The following KAZN variants were observed in gnomAD, a reference collection of about 807,000 sequenced individuals.
KAZN encodes kazrin, periplakin interacting protein.
A neutral mutation model predicts 87.4 loss-of-function variants in KAZN; 40 were observed. The ratio of observed to expected loss-of-function variants is 0.46; its 90% confidence interval spans 0.36 to 0.60. KAZN has a LOEUF of 0.60. KAZN is among the 20% of genes least tolerant of loss of function. KAZN has a pLI of 0.00. For synonymous variants in KAZN, 466 were observed against 458.3 expected, an observed-to-expected ratio of 1.02 and a Z score of -0.22; for missense variants, 898 against 1,073.9, an observed-to-expected ratio of 0.84 and a Z score of 2.29.
At position 14,413,593 on chromosome 1, in the gene KAZN, G is replaced by GAAAAAAA. The variant is rs1169921344; in HGVS notation, c.250-185370_250-185364dup. Among the ~76,000 whole-genome samples, 4 of 66,078 alleles carry GAAAAAAA rather than the reference G, an allele frequency of 6.1e-5. 1 individual carries two copies. Among genetic ancestry groups the GAAAAAAA allele is most frequent in the Non-Finnish European group, 1.1e-4 (4 of 36,180 alleles). 43.3% of individuals were successfully genotyped at this position (66,078 alleles called of 152,430 possible). ...AACAGTGTGAAACTCCGTCTCAAAA[G>GAAAAAAA]AAAAAAAAAAAAAAAAAAAAAAAAA... On this transcript the variant is annotated intron_variant, in intron 2 of 16. Coordinates refer to the KAZN transcript ENST00000636203.
At chr1:14,921,366 G>GC (rs1658507555) in intron 1 of KAZN, among the ~76,000 whole-genome samples, 3 of 152,130 alleles carry the variant, frequency 2.0e-5, no homozygotes. Flanking sequence ...TGGCCAATGG[G>GC]CTACATAAAG....
In KAZN at chr1:14,091,109, C is replaced by CAA. The variant is rs779056126; in HGVS notation, c.92-89303_92-89302dup. On this transcript the variant is annotated intron_variant, in intron 1 of 16. Transcript: ENST00000636203. ...CCTGGGTGACAGAGTGAGACTCTGT[C>CAA]AAAAAAAAAAAAAAAAAAAAAAAAG... 4.6e-3 allele frequency among the ~76,000 whole-genome samples: 239 copies of CAA among 51,826 alleles called. 6 individuals are homozygous for CAA. In the South Asian group the frequency reaches 0.058, roughly 13 times the overall value. The allele number at this position is 51,826 out of a possible 152,430, so 34.0% of individuals were successfully genotyped here.
chr1:14,149,086 CCTTCCTTT>C (rs1645415430), intron 1 of KAZN, among the ~76,000 whole-genome samples: 1 of 108,302 alleles, frequency 9.2e-6, no homozygotes, highest in African/African-American at 3.9e-5. Flanking sequence ...TTCCTTCCTT[CCTTCCTTT>C]CTTTCTTTCC....
intron 1 of KAZN, among the ~76,000 whole-genome samples, chr1:14,833,981 AC>A (rs1647132437): frequency 2.0e-5 from 3 of 148,742 alleles, no homozygotes; most frequent in Non-Finnish European, 4.5e-5. Context: ...ACACACACAC[AC>A]ACACACACAC....
chr1:14,965,773 T>C (rs776875293), intron 2 of KAZN, among the ~76,000 whole-genome samples: 9 of 152,196 alleles, frequency 5.9e-5, no homozygotes, highest in Non-Finnish European at 1.3e-4. Context: ...TTTCTTAAGC[T>C]CTTTGGCCTG....
chr1:15,051,622 C>T (rs1674413612), intron 4 of KAZN, among the ~76,000 whole-genome samples: 1 of 152,204 alleles, frequency 6.6e-6, no homozygotes, highest in Non-Finnish European at 1.5e-5. Flanking sequence ...CTGTCATTAT[C>T]CCCGTTAGAC....
At chr1:14,340,888 CTTT>C (rs3085672) in intron 2 of KAZN, among the ~76,000 whole-genome samples, 3 of 103,168 alleles carry the variant, frequency 2.9e-5, no homozygotes, top group East Asian at 3.0e-4. Flanking sequence ...ATGATTTTCC[CTTT>C]TTTTTTTTTT....
intron 1 of KAZN, among the ~76,000 whole-genome samples, chr1:14,622,608 A>G (rs1678795056): frequency 6.8e-6 from 1 of 147,216 alleles, no homozygotes; most frequent in Non-Finnish European, 1.5e-5. Flanking sequence ...GGAGAATGGC[A>G]TGAACCTGGG....
chr1:14,711,757 C>G (rs899530028), intron 1 of KAZN, among the ~76,000 whole-genome samples: 3 of 152,192 alleles, frequency 2.0e-5, no homozygotes, highest in Non-Finnish European at 4.4e-5. Context: ...GAAGCAGATC[C>G]TCTTCCGCAT....
chr1:14,461,169 G>A (rs1179829989), intron 2 of KAZN, among the ~76,000 whole-genome samples: 1 of 152,172 alleles, frequency 6.6e-6, no homozygotes, highest in Non-Finnish European at 1.5e-5. Context: ...CTTGAGTTCA[G>A]CATTACCCTT....
chr1:13,944,206 C>T (rs1408799209), intron 1 of KAZN, among the ~76,000 whole-genome samples: 1 of 152,192 alleles, frequency 6.6e-6, no homozygotes, highest in African/African-American at 2.4e-5. Context: ...GAATAAACTA[C>T]GGATACGCGT....
At chr1:14,082,446 A>T (rs1338546702) in intron 1 of KAZN, among the ~76,000 whole-genome samples, 1 of 152,192 alleles carries the variant, frequency 6.6e-6, no homozygotes, top group Non-Finnish European at 1.5e-5. Context: ...AACAAGGGCC[A>T]GGCCTGTAGT....
At chr1:14,210,667 C>T (rs960995178) in intron 2 of KAZN, among the ~76,000 whole-genome samples, 4 of 152,032 alleles carry the variant, frequency 2.6e-5, no homozygotes, top group South Asian at 4.1e-4. Flanking sequence ...CAATATTTAC[C>T]ACAGGGCAAT....
rs185676927 is a variant in KAZN, at chr1:14,073,830, C to T, written c.92-106605C>T. Among the ~76,000 whole-genome samples the T allele has an allele frequency of 2.2e-3, 335 of 152,144 alleles. 2 individuals are homozygous for T. The highest frequency in any genetic ancestry group is 3.0e-3 in the Non-Finnish European group (201 of 68,000). On this transcript the variant is annotated intron_variant, in intron 1 of 16. Coordinates refer to the KAZN transcript ENST00000636203. Reference sequence around the variant, plus strand: ...GACATTTGGGTTGGTTCCAAGTCTTCGTTATTGTGAACAGTGCCGCAATAA... The same window carrying T: ...GACATTTGGGTTGGTTCCAAGTCTTTGTTATTGTGAACAGTGCCGCAATAA...
chr1:13,897,264 C>T (rs1351180597), intron 1 of KAZN, among the ~76,000 whole-genome samples: 1 of 152,208 alleles, frequency 6.6e-6, no homozygotes, highest in Non-Finnish European at 1.5e-5. Context: ...TATCTGGCTC[C>T]TTGCAGAAAA....
At chr1:14,015,774 A>G (rs1417659018) in intron 1 of KAZN, among the ~76,000 whole-genome samples, 1 of 151,500 alleles carries the variant, frequency 6.6e-6, no homozygotes, top group Non-Finnish European at 1.5e-5. Flanking sequence ...CTTTTATGCA[A>G]TCCTGGGAGG....
At chr1:14,959,299 TGAG>T (rs1007680609) in intron 1 of KAZN, among the ~76,000 whole-genome samples, 1 of 152,070 alleles carries the variant, frequency 6.6e-6, no homozygotes, top group African/African-American at 2.4e-5. Context: ...TGTGTCACAA[TGAG>T]GAGGCAGCCA....
chr1:14,373,512 T>A (rs1242995143), intron 2 of KAZN, among the ~76,000 whole-genome samples: 1 of 152,176 alleles, frequency 6.6e-6, no homozygotes, highest in Non-Finnish European at 1.5e-5. Flanking sequence ...ACTGCTTAAG[T>A]GAGTCCAATC....
intron 1 of KAZN, among the ~76,000 whole-genome samples, chr1:14,083,401 C>T (rs1282021382): frequency 1.3e-5 from 2 of 152,192 alleles, no homozygotes; most frequent in African/African-American, 4.8e-5. Flanking sequence ...TACTTGCCAG[C>T]TGTGTGCCTT....
Sources: gnomAD v4.1 joint callset for allele counts (sites outside exome capture counted in the v4.1 genomes callset) on GRCh38, gnomAD v4.1.1 for gene constraint, MANE v1.5 for transcripts, NCBI Gene and HGNC (gene_info 2026-07-23, HGNC 2026-07-21) for gene names.